DEPTOR: variants seen among roughly 807,000 people sequenced by gnomAD.
The protein encoded by DEPTOR is DEP domain-containing mTOR-interacting protein.
In DEPTOR, 41 loss-of-function variants were observed where a neutral mutation model predicts 41.6. That is an observed-to-expected ratio of 0.98 (90% CI 0.77 to 1.28). The LOEUF is 1.28. Ranked by LOEUF, DEPTOR falls within the 50% of genes most tolerant of loss-of-function variation. The pLI is 0.00. For missense variants in DEPTOR, 514 were observed against 527.9 expected, an observed-to-expected ratio of 0.97 and a Z score of 0.26; for synonymous variants, 195 against 192.3, an observed-to-expected ratio of 1.01 and a Z score of -0.12.
intron 1 of DEPTOR, among the ~76,000 whole-genome samples, chr8:119,878,423 G>A (rs186804290): frequency 5.9e-5 from 9 of 151,658 alleles, no homozygotes; most frequent in African/African-American, 1.7e-4. Flanking sequence ...AGGTTCAAGC[G>A]ATTCTCCTGC....
chr8:119,918,673 A>C (rs539644879), intron 1 of DEPTOR, among the ~76,000 whole-genome samples: 1 of 151,960 alleles, frequency 6.6e-6, no homozygotes, highest in Admixed American at 6.6e-5. Flanking sequence ...GTTGGCCAGG[A>C]TGGTCTTGAT....
At chr8:119,928,670 CTTTAT>C in intron 2 of DEPTOR, 92 bp downstream of exon 2, 1 of 1,418,660 alleles carries the variant, frequency 7.0e-7, no homozygotes, top group Non-Finnish European at 9.4e-7. Context: ...AAACATTTTG[CTTTAT>C]TTTATCTCCA....
intron 8 of DEPTOR, 143 bp downstream of exon 8, chr8:120,009,276 T>A: frequency 1.4e-6 from 1 of 740,706 alleles, no homozygotes; most frequent in East Asian, 2.7e-5. Flanking sequence ...TTCTCCAAAG[T>A]CTTTAACCTT....
intron 1 of DEPTOR, among the ~76,000 whole-genome samples, chr8:119,905,531 G>A (rs7462302): frequency 0.5 from 75,759 of 151,934 alleles, 20,604 homozygotes; most frequent in East Asian, 0.92. Flanking sequence ...TAGTCCTGTC[G>A]TCTAGTGGTT....
At chr8:119,973,245 C>CT (rs1345825361) in intron 4 of DEPTOR, among the ~76,000 whole-genome samples, 2 of 151,052 alleles carry the variant, frequency 1.3e-5, no homozygotes, top group Middle Eastern at 3.5e-3. Context: ...GGACTCTTTT[C>CT]TTTTTTTGAA....
intron 4 of DEPTOR, among the ~76,000 whole-genome samples, chr8:119,987,237 C>A (rs1026373580): frequency 6.6e-6 from 1 of 151,994 alleles, no homozygotes; most frequent in Non-Finnish European, 1.5e-5. Context: ...TTTTTGTTGA[C>A]GTTGATGCTA....
chr8:119,936,596 C>A (rs1460888291), intron 3 of DEPTOR, among the ~76,000 whole-genome samples: 1 of 152,086 alleles, frequency 6.6e-6, no homozygotes, highest in Non-Finnish European at 1.5e-5. Context: ...CTGAGATAGA[C>A]CCTAGGTAAG....
chr8:120,017,557 A>C (rs896347795), intron 8 of DEPTOR, among the ~76,000 whole-genome samples: 10 of 152,186 alleles, frequency 6.6e-5, no homozygotes, highest in African/African-American at 1.2e-4. Flanking sequence ...GTTTTGGAGA[A>C]GATCAAATAA....
chr8:119,877,518 C>T (rs1410464147), intron 1 of DEPTOR, among the ~76,000 whole-genome samples: 2 of 152,168 alleles, frequency 1.3e-5, no homozygotes, highest in African/African-American at 2.4e-5. Context: ...TCCAGGCCTC[C>T]TGCCTCTAAG....
intron 1 of DEPTOR, among the ~76,000 whole-genome samples, chr8:119,905,653 CAG>C (rs1827653465): frequency 2.2e-5 from 3 of 138,028 alleles, no homozygotes. Context: ...TTTTTTGAGA[CAG>C]AGTCTTGCTT....
At chr8:119,940,344 C>T (rs552637690) in intron 3 of DEPTOR, among the ~76,000 whole-genome samples, 1 of 152,274 alleles carries the variant, frequency 6.6e-6, no homozygotes, top group Non-Finnish European at 1.5e-5. Flanking sequence ...TATTTCTAAA[C>T]AGCATTATAC....
At chr8:119,901,315 A>G (rs954677779) in intron 1 of DEPTOR, among the ~76,000 whole-genome samples, 5 of 152,206 alleles carry the variant, frequency 3.3e-5, no homozygotes, top group Non-Finnish European at 7.3e-5. Flanking sequence ...AGCTGATTAT[A>G]TAATTGCAGG....
At chr8:119,968,488 A>G (rs928728004) in intron 4 of DEPTOR, among the ~76,000 whole-genome samples, 6 of 151,878 alleles carry the variant, frequency 4.0e-5, no homozygotes, top group Admixed American at 2.0e-4. Context: ...TTTTAGTAGA[A>G]ACAGGATTTC....
chr8:119,943,487 C>A (rs952546028), intron 3 of DEPTOR, among the ~76,000 whole-genome samples: 2 of 152,088 alleles, frequency 1.3e-5, no homozygotes, highest in Admixed American at 1.3e-4. Flanking sequence ...CTCACTATCA[C>A]GAGAACAGCA....
intron 3 of DEPTOR, among the ~76,000 whole-genome samples, chr8:119,932,416 T>TAAG (rs76459790): frequency 0.31 from 46,616 of 151,988 alleles, 7,521 homozygotes; most frequent in Middle Eastern, 0.41. Context: ...GGCAAGACAG[T>TAAG]AAGAAGAGTT....
chr8:119,950,625 C>A (rs1828340155), intron 3 of DEPTOR, among the ~76,000 whole-genome samples: 1 of 151,898 alleles, frequency 6.6e-6, no homozygotes, highest in Admixed American at 6.6e-5. Flanking sequence ...GAGATGGAAT[C>A]TCTCTCTGTC....
At chr8:119,931,460 G>A (rs1828042516) in intron 3 of DEPTOR, among the ~76,000 whole-genome samples, 1 of 152,150 alleles carries the variant, frequency 6.6e-6, no homozygotes. Context: ...GCTGTGTCAA[G>A]TGCTTAAGTA....
intron 4 of DEPTOR, among the ~76,000 whole-genome samples, chr8:119,987,950 G>T (rs955716997): frequency 6.6e-6 from 1 of 152,168 alleles, no homozygotes; most frequent in Non-Finnish European, 1.5e-5. Context: ...TTAGCTTGCT[G>T]GGCTCCATTG....
intron 1 of DEPTOR, among the ~76,000 whole-genome samples, chr8:119,883,547 G>A (rs1563956088): frequency 6.6e-6 from 1 of 151,826 alleles, no homozygotes; most frequent in Non-Finnish European, 1.5e-5. Context: ...TGTTGCTAGG[G>A]TGTAGCAAAA....
Sources: allele counts gnomAD v4.1 joint callset (sites outside exome capture counted in the v4.1 genomes callset), GRCh38; gene constraint gnomAD v4.1.1; transcripts MANE v1.5; gene names NCBI Gene and HGNC (gene_info 2026-07-23, HGNC 2026-07-21).